The following C12orf54 variants were observed in gnomAD, a reference collection of about 807,000 sequenced individuals.
The protein encoded by C12orf54 is chromosome 12 open reading frame 54, also known as uncharacterized protein C12orf54.
In C12orf54, 24 loss-of-function variants were observed where a neutral mutation model predicts 26.4. That is an observed-to-expected ratio of 0.91 (90% CI 0.66 to 1.28). The LOEUF is 1.28. Ranked by LOEUF, C12orf54 falls within the 50% of genes most tolerant of loss-of-function variation. The pLI is 0.00. For synonymous variants in C12orf54, 54 were observed against 47.0 expected (o/e 1.15, Z -0.61); for missense variants, 154 against 150.9 (o/e 1.02, Z -0.11).
At chr12:48,413,196 C>G in the C12orf54 span, among the ~76,000 whole-genome samples, 9 of 152,186 alleles carry the variant, frequency 5.9e-5, no homozygotes, top group East Asian at 1.7e-3. Context: ...TTAACTAAGC[C>G]TAATTCCAAT....
chr12:48,492,327 T>C (rs1270936038), intron 6 of C12orf54, among the ~76,000 whole-genome samples: 1 of 152,208 alleles, frequency 6.6e-6, no homozygotes, highest in Non-Finnish European at 1.5e-5. Context: ...CACTGTGAGA[T>C]CCAGAGGCTT....
the C12orf54 span, among the ~76,000 whole-genome samples, chr12:48,440,573 A>G: frequency 6.0e-4 from 91 of 152,290 alleles, no homozygotes; most frequent in African/African-American, 2.2e-3. Flanking sequence ...TTTCTACAGC[A>G]TTATTAGGGC....
At chr12:48,476,962 C>T in the C12orf54 span, among the ~76,000 whole-genome samples, 1 of 152,172 alleles carries the variant, frequency 6.6e-6, no homozygotes, top group Non-Finnish European at 1.5e-5. Context: ...AGCACCACAC[C>T]ACACCTATTC....
the C12orf54 span, among the ~76,000 whole-genome samples, chr12:48,417,809 C>T: frequency 6.6e-6 from 1 of 152,136 alleles, no homozygotes; most frequent in Admixed American, 6.5e-5. Context: ...TGTTTAGCTG[C>T]CTCTTATAAG....
chr12:48,454,102 T>G, the C12orf54 span, among the ~76,000 whole-genome samples: 200 of 108,776 alleles, frequency 1.8e-3, no homozygotes, highest in African/African-American at 5.1e-3. Flanking sequence ...GTTTGTTTTT[T>G]TTTTTTTTTT....
chr12:48,460,889 A>G, the C12orf54 span, among the ~76,000 whole-genome samples: 20 of 152,222 alleles, frequency 1.3e-4, no homozygotes, highest in African/African-American at 4.3e-4. Context: ...AGAATAGCTA[A>G]GACAAATAGA....
chr12:48,470,118 C>T, the C12orf54 span, among the ~76,000 whole-genome samples: 4 of 152,164 alleles, frequency 2.6e-5, no homozygotes, highest in Non-Finnish European at 5.9e-5. Context: ...AGGTTGATTC[C>T]ATGTCTTTAC....
chr12:48,482,808 G>T (rs540143646), intron 1 of C12orf54, among the ~76,000 whole-genome samples: 1 of 152,108 alleles, frequency 6.6e-6, no homozygotes, highest in East Asian at 1.9e-4. Flanking sequence ...TGAGGTGGGA[G>T]GGGGTGGGGT....
chr12:48,461,654 A>G, the C12orf54 span, among the ~76,000 whole-genome samples: 3 of 151,912 alleles, frequency 2.0e-5, no homozygotes, highest in African/African-American at 7.2e-5. Flanking sequence ...GAAGAAATCA[A>G]AAAGGAAAAT....
chr12:48,489,709 G>T (rs189981274), intron 5 of C12orf54, among the ~76,000 whole-genome samples: 1 of 150,184 alleles, frequency 6.7e-6, no homozygotes, highest in African/African-American at 2.5e-5. Flanking sequence ...GAGGCATTGC[G>T]CCCAGCCTAA....
the C12orf54 span, among the ~76,000 whole-genome samples, chr12:48,453,037 C>T: frequency 1.3e-5 from 2 of 152,132 alleles, no homozygotes; most frequent in Non-Finnish European, 2.9e-5. Flanking sequence ...GACACATGCA[C>T]ATGTCTGTTC....
chr12:48,479,574 G>A (rs950272694), upstream of C12orf54, among the ~76,000 whole-genome samples: 3 of 150,916 alleles, frequency 2.0e-5, no homozygotes, highest in Non-Finnish European at 2.9e-5. Flanking sequence ...TGCTGGAGGC[G>A]TTGCTACATG....
At chr12:48,433,464 G>C in the C12orf54 span, among the ~76,000 whole-genome samples, 1 of 148,926 alleles carries the variant, frequency 6.7e-6, no homozygotes, top group African/African-American at 2.5e-5. Context: ...TTGGGGGGGG[G>C]GGGGGCAGGA....
At chr12:48,485,071 A>T (rs13377970) in intron 2 of C12orf54, among the ~76,000 whole-genome samples, 7 of 151,852 alleles carry the variant, frequency 4.6e-5, no homozygotes, top group Non-Finnish European at 7.4e-5. Context: ...TTTTATTTTT[A>T]TTTTATTTTA....
At chr12:48,470,683 A>ATT in the C12orf54 span, among the ~76,000 whole-genome samples, 21 of 150,784 alleles carry the variant, frequency 1.4e-4, no homozygotes, top group Admixed American at 2.6e-4. Context: ...CCACTGGTCC[A>ATT]TTTTTTTTTG....
chr12:48,462,216 A>G, the C12orf54 span, among the ~76,000 whole-genome samples: 1 of 151,732 alleles, frequency 6.6e-6, no homozygotes, highest in African/African-American at 2.4e-5. Flanking sequence ...TAACTTGAAT[A>G]GCCCTATTAA....
the C12orf54 span, among the ~76,000 whole-genome samples, chr12:48,424,842 C>A: frequency 6.6e-6 from 1 of 152,018 alleles, no homozygotes; most frequent in African/African-American, 2.4e-5. Flanking sequence ...TATTTTGATT[C>A]TATTTATGTG....
At chr12:48,450,696 C>T in the C12orf54 span, among the ~76,000 whole-genome samples, 1 of 152,176 alleles carries the variant, frequency 6.6e-6, no homozygotes, top group Non-Finnish European at 1.5e-5. Flanking sequence ...ATATTATCAA[C>T]ACCTCTATGC....
At position 48,484,852 on chromosome 12, in the gene C12orf54, G is replaced by A. The variant is rs145857328; in HGVS notation, c.66-1326G>A. 1.9e-3 allele frequency among the ~76,000 whole-genome samples: 292 copies of A among 152,238 alleles called. 1 individual carries two copies. The highest frequency in any genetic ancestry group is 3.2e-3 in the Non-Finnish European group (221 of 68,006). On this transcript the variant is annotated intron_variant, in intron 2 of 8. Transcript: ENST00000548364. ...ACTATCACATGTACCTCATAAATAT[G>A]TGATTATTATGTATCAATAAATAAA... is the stretch of plus-strand genomic sequence containing the variant.
Sources: gnomAD v4.1 joint callset for allele counts (sites outside exome capture counted in the v4.1 genomes callset) on GRCh38, gnomAD v4.1.1 for gene constraint, MANE v1.5 for transcripts, NCBI Gene and HGNC (gene_info 2026-07-23, HGNC 2026-07-21) for gene names.